DNAL4: variants seen among roughly 807,000 people sequenced by gnomAD.
DNAL4 encodes dynein axonemal light chain 4.
Under a neutral mutation model 12.6 loss-of-function variants are expected in DNAL4, and 10 were observed. That is an observed-to-expected ratio of 0.79 (90% CI 0.49 to 1.34). DNAL4 has a LOEUF of 1.34. DNAL4 is among the 40% of genes most tolerant of loss of function. The pLI is 0.00. For synonymous variants in DNAL4, 46 were observed against 53.1 expected (o/e 0.87, Z 0.58); for missense variants, 128 against 138.1 (o/e 0.93, Z 0.37).
chr22:38,790,996 C>T lies in DNAL4; in HGVS notation c.-140+3072G>A, dbSNP rs184704313. ...CAGCCTGGCCAACATGGCAAAACCT[C>T]GTCTCTACTAAAAATACAAAAATTA... On this transcript the variant is annotated intron_variant, in intron 1 of 3. Coordinates refer to ENST00000216068, the MANE Select transcript of DNAL4 (RefSeq NM_005740.3). Among the ~76,000 whole-genome samples, 440 of 152,096 alleles carry T rather than the reference C, an allele frequency of 2.9e-3. 1 individual carries two copies. Among genetic ancestry groups the T allele is most frequent in the African/African-American group, 0.01 (425 of 41,500 alleles).
chr22:38,778,731 C>T lies in DNAL4; in HGVS notation c.*718G>A, dbSNP rs1252035625. 2.0e-5 allele frequency: 3 copies of T among 152,728 alleles called. No individual in the cohort carries two copies. The highest frequency in any genetic ancestry group is 7.2e-5 in the African/African-American group (3 of 41,464). 9.5% of individuals were successfully genotyped at this position (152,728 alleles called of 1,614,324 possible). A position where few individuals can be genotyped will look rare whatever the true frequency, so the allele number is the denominator to read the frequency against. ...AGCCTCGTGGTGAGAGCACTCCTGCCCAGGTGTCCCACCAGAGGCTCGGTG... is the reference window on the plus strand; with the variant it reads ...AGCCTCGTGGTGAGAGCACTCCTGCTCAGGTGTCCCACCAGAGGCTCGGTG... On this transcript the variant is annotated 3_prime_UTR_variant, in exon 4 of 4. Transcript: ENST00000216068.
intron 3 of DNAL4, 120 bp downstream of exon 3, chr22:38,780,806 G>T: frequency 1.0e-6 from 1 of 959,544 alleles, no homozygotes. Flanking sequence ...TGCTTCCAAG[G>T]AAGGCTCTGG....
intron 1 of DNAL4, among the ~76,000 whole-genome samples, chr22:38,784,525 T>C (rs970921034): frequency 4.2e-4 from 61 of 146,272 alleles, no homozygotes; most frequent in African/African-American, 1.3e-3. Flanking sequence ...TTTTTTTTTT[T>C]CTTGAGACGG....
At chr22:38,785,472 T>TG (rs2093040930) in intron 1 of DNAL4, 1 of 152,262 alleles carries the variant, frequency 6.6e-6, no homozygotes, top group Non-Finnish European at 1.5e-5. Context: ...AGGAGCCAGT[T>TG]GTGGACATGC....
Position 38,779,544 on chromosome 22 carries a change from C to T in DNAL4, c.223G>A (p.Glu75Lys), listed in dbSNP as rs562794909. 9 of 1,590,022 alleles carry T rather than the reference C, an allele frequency of 5.7e-6. No individual in the cohort carries two copies. The highest frequency in any genetic ancestry group is 2.3e-5 in the East Asian group (1 of 43,766). The change falls in exon 4 of 4, where the codon GAG becomes AAG. Residue 75 changes from glutamate to lysine, a missense_variant. Coordinates refer to ENST00000216068, the MANE Select transcript of DNAL4 (RefSeq NM_005740.3). The surrounding 1 kb of genome is among the most constrained non-coding windows in gnomAD (Gnocchi z 4.3). ...FGSSWHVVIG[E>K]GFGFEITHEV... is the part of the protein sequence containing the mutation. Reference sequence around the variant, plus strand: ...TGGGTGATCTCAAACCCAAAGCCCTCGCCGATCACCACGTGCCAGGAGGAG... The same window carrying T: ...TGGGTGATCTCAAACCCAAAGCCCTTGCCGATCACCACGTGCCAGGAGGAG...
intron 1 of DNAL4, among the ~76,000 whole-genome samples, chr22:38,783,581 T>G (rs1365360847): frequency 6.6e-6 from 1 of 152,248 alleles, no homozygotes; most frequent in African/African-American, 2.4e-5. Flanking sequence ...GTGCCCTCCC[T>G]GGCACACCAG....
intron 1 of DNAL4, chr22:38,785,255 A>G (rs2093040541): frequency 6.6e-6 from 1 of 151,904 alleles, no homozygotes; most frequent in African/African-American, 2.4e-5. Context: ...TTCCTCCTCT[A>G]CCTTTGTCCA....
In DNAL4 at chr22:38,779,194, C is replaced by T. The variant is rs2093030360; in HGVS notation, c.*255G>A. The T allele has an allele frequency of 2.7e-6, 1 of 368,740 alleles. No homozygotes were observed. 22.8% of individuals were successfully genotyped at this position (368,740 alleles called of 1,614,324 possible). A position where few individuals can be genotyped will look rare whatever the true frequency, so the allele number is the denominator to read the frequency against. ...ACCTCCTCTACCCTGTCACACCGCC[C>T]CACCCCACGTCTCCCACACAGACCC... is the stretch of plus-strand genomic sequence containing the variant. On this transcript the variant is annotated 3_prime_UTR_variant, in exon 4 of 4. Transcript: ENST00000216068. This position sits in a 1 kb window ranked among gnomAD's most constrained non-coding sequence, Gnocchi z 4.3.
chr22:38,788,088 T>C (rs115465775), intron 1 of DNAL4, among the ~76,000 whole-genome samples: 1,616 of 152,228 alleles, frequency 0.011, 24 homozygotes, highest in African/African-American at 0.034. Context: ...TCCCGCCACA[T>C]TGGGGACACA....
intron 1 of DNAL4, among the ~76,000 whole-genome samples, 185 bp from the exon 2 acceptor site, chr22:38,783,055 A>G (rs1228593726): frequency 2.0e-5 from 3 of 152,212 alleles, no homozygotes; most frequent in African/African-American, 7.2e-5. Flanking sequence ...CTGGTTAAGA[A>G]CACACTGGTA....
chr22:38,779,998 G>A lies in DNAL4; in HGVS notation c.154-385C>T, dbSNP rs1206640795. ...GCAGTCTCAGGACCAACTGGATGGA[G>A]AGACCTGGCACCCTGCAGACTGCGA... On this transcript the variant is annotated intron_variant, in intron 3 of 3. Coordinates refer to ENST00000216068, the MANE Select transcript of DNAL4 (RefSeq NM_005740.3). This position sits in a 1 kb window ranked among gnomAD's most constrained non-coding sequence, Gnocchi z 4.3. 2.6e-5 allele frequency among the ~76,000 whole-genome samples: 4 copies of A among 152,300 alleles called. No homozygotes were observed. In the East Asian group the frequency reaches 7.7e-4, roughly 29 times the overall value.
Position 38,779,609 on chromosome 22 carries a change from G to T in DNAL4, c.158C>A (p.Ala53Asp), listed in dbSNP as rs1180843928. Residue 53 changes from alanine to aspartate, a missense_variant, in exon 4 of 4, where the codon GCC becomes GAC. Coordinates refer to ENST00000216068, the MANE Select transcript of DNAL4 (RefSeq NM_005740.3). This position sits in a 1 kb window ranked among gnomAD's most constrained non-coding sequence, Gnocchi z 4.3. The part of the protein sequence containing the change: ...CEKFSNNNES[A>D]AKMIKETMDK... ...CATTGTCTCTTTGATCATCTTGGCG[G>T]CGCTCTGGAAGGAAGAGGGCACTTA... 37 of 1,597,042 alleles carry T rather than the reference G, an allele frequency of 2.3e-5. No homozygotes were observed. The highest frequency in any genetic ancestry group is 2.8e-5 in the Non-Finnish European group (33 of 1,170,852).
rs759874004 is a variant in DNAL4 at position 38,782,725 on chromosome 22, C to T, written c.7G>A (p.Glu3Lys). Residue 3 changes from glutamate to lysine, a missense_variant, in exon 2 of 4, where the codon GAA (glutamate) becomes AAA (lysine). Coordinates refer to ENST00000216068, the MANE Select transcript of DNAL4 (RefSeq NM_005740.3). The surrounding 1 kb of genome is among the most constrained non-coding windows in gnomAD (Gnocchi z 5.1). ...GCCTCATCTTTCTTCCCTTCTGTTT[C>T]TCCCATGATCCTTCCACTGTGACCA... is the stretch of plus-strand genomic sequence containing the variant. Reference protein sequence around the residue: MGETEGKKDEADY... With the variant: MGKTEGKKDEADY... 1.2e-6 allele frequency: 2 copies of T among 1,611,090 alleles called. No homozygotes were observed. Among genetic ancestry groups the T allele is most frequent in the East Asian group, 2.2e-5 (1 of 44,602 alleles).
intron 1 of DNAL4, among the ~76,000 whole-genome samples, chr22:38,789,230 G>T (rs2093046832): frequency 6.6e-6 from 1 of 152,304 alleles, no homozygotes; most frequent in South Asian, 2.1e-4. Flanking sequence ...AAGGGGCTAG[G>T]ATTTGATTGC....
At chr22:38,790,397 G>T (rs913367794) in intron 1 of DNAL4, among the ~76,000 whole-genome samples, 15 of 152,186 alleles carry the variant, frequency 9.9e-5, no homozygotes, top group African/African-American at 3.6e-4. Flanking sequence ...CCTGACAACT[G>T]CCCAAATGGA....
intron 1 of DNAL4, among the ~76,000 whole-genome samples, chr22:38,789,109 T>A (rs1037705225): frequency 3.3e-5 from 5 of 152,100 alleles, no homozygotes; most frequent in Admixed American, 1.3e-4. Context: ...GCGATCTACA[T>A]ACAGGATGTC....
At chr22:38,789,903 G>A (rs1025512620) in intron 1 of DNAL4, among the ~76,000 whole-genome samples, 1 of 152,200 alleles carries the variant, frequency 6.6e-6, no homozygotes, top group African/African-American at 2.4e-5. Context: ...AGCATCTTCT[G>A]GGAAAGTCTA....
chr22:38,781,742 C>G (rs545744421), intron 2 of DNAL4, among the ~76,000 whole-genome samples: 1 of 152,266 alleles, frequency 6.6e-6, no homozygotes, highest in African/African-American at 2.4e-5. Flanking sequence ...ACTGTAGCAG[C>G]CACCCTGGAC....
At chr22:38,793,742 C>G (rs947761957) in intron 1 of DNAL4, among the ~76,000 whole-genome samples, 2 of 152,180 alleles carry the variant, frequency 1.3e-5, no homozygotes, top group African/African-American at 2.4e-5. Context: ...GGGAATTACT[C>G]CGCGAAAGGT....
Sources: gnomAD v4.1 joint callset for allele counts (sites outside exome capture counted in the v4.1 genomes callset) on GRCh38, gnomAD v4.1.1 for gene constraint, Gnocchi (gnomAD v3.1) non-coding constraint, MANE v1.5 for transcripts, NCBI Gene and HGNC (gene_info 2026-07-23, HGNC 2026-07-21) for gene names.